CLCN3: variants seen among roughly 807,000 people sequenced by gnomAD.
CLCN3 encodes the protein Cl-/H+ antiporter 3.
A neutral mutation model predicts 83.4 loss-of-function variants in CLCN3; 16 were observed. The ratio of observed to expected loss-of-function variants is 0.19; its 90% confidence interval spans 0.13 to 0.29. The LOEUF is 0.29. CLCN3 is among the 10% of genes least tolerant of loss of function. The pLI, the probability that CLCN3 is intolerant of heterozygous loss-of-function variation, is 1.00. For missense variants in CLCN3, 544 were observed against 1,006.0 expected, an observed-to-expected ratio of 0.54 and a Z score of 6.21; for synonymous variants, 322 against 346.2, an observed-to-expected ratio of 0.93 and a Z score of 0.78.
chr4:169,714,111 A>G (rs1733333432), intron 12 of CLCN3, among the ~76,000 whole-genome samples: 1 of 152,076 alleles, frequency 6.6e-6, no homozygotes, highest in Non-Finnish European at 1.5e-5. Flanking sequence ...TTTCTTTAGG[A>G]CCCTTCATTT....
At chr4:169,656,173 T>G (rs1056727387) in intron 2 of CLCN3, among the ~76,000 whole-genome samples, 2 of 152,176 alleles carry the variant, frequency 1.3e-5, no homozygotes, top group African/African-American at 4.8e-5. Context: ...GCAGCCTGTA[T>G]TAGTCCCTTC....
At position 169,713,080 on chromosome 4, in the gene CLCN3, A is replaced by T. The variant is rs1379685332; in HGVS notation, c.2151A>T (p.Glu717Asp). The T allele has an allele frequency of 1.2e-6, 2 of 1,613,314 alleles. No individual in the cohort carries two copies. The change falls in exon 12 of 13, where the codon GAA becomes GAT. Residue 717 changes from glutamate to aspartate, a missense_variant and splice_region_variant. Physicochemically the swap from Glu to Asp is conservative, Grantham distance 45. This residue lies in a region of CLCN3 where 142 missense variants were observed against 225.0 expected (regional missense o/e 0.63). Transcript: ENST00000513761. Reference protein sequence around the residue: ...ALRRDLTIAIESARKKQEGIV... With the variant: ...ALRRDLTIAIDSARKKQEGIV... ...TTGGTCTCTTCTCTCTCTTTTCAGA[A>T]AGTGCCAGGAAAAAACAAGAAGGTA... is the stretch of plus-strand genomic sequence containing the variant.
chr4:169,655,887 G>A (rs1038037657), intron 2 of CLCN3, among the ~76,000 whole-genome samples: 3 of 152,032 alleles, frequency 2.0e-5, no homozygotes, highest in Admixed American at 2.0e-4. Flanking sequence ...TAGCTATATT[G>A]GAAACTAAAA....
chr4:169,674,165 T>G (rs564854284), intron 2 of CLCN3, among the ~76,000 whole-genome samples: 1 of 152,336 alleles, frequency 6.6e-6, no homozygotes, highest in East Asian at 1.9e-4. Context: ...ATCCTGTTGT[T>G]TTAATCTAGA....
intron 11 of CLCN3, among the ~76,000 whole-genome samples, chr4:169,708,787 G>A (rs1207473304): frequency 6.6e-6 from 1 of 152,016 alleles, no homozygotes; most frequent in East Asian, 1.9e-4. Context: ...AAGGGAATGA[G>A]GGTACTTTCT....
intron 2 of CLCN3, among the ~76,000 whole-genome samples, chr4:169,659,253 C>T (rs1730973184): frequency 6.6e-6 from 1 of 152,120 alleles, no homozygotes; most frequent in Non-Finnish European, 1.5e-5. Context: ...ATATTGAACT[C>T]TGATCTTCAA....
intron 11 of CLCN3, among the ~76,000 whole-genome samples, chr4:169,712,387 C>G (rs1457670005): frequency 6.7e-6 from 1 of 150,270 alleles, no homozygotes; most frequent in Non-Finnish European, 1.5e-5. Flanking sequence ...TTAGTTCTTT[C>G]AACGGTGGAG....
intron 2 of CLCN3, among the ~76,000 whole-genome samples, chr4:169,662,075 C>T (rs1280069560): frequency 6.6e-6 from 1 of 152,112 alleles, no homozygotes. Flanking sequence ...ACAGAACTTA[C>T]TTATGGACTG....
At chr4:169,647,001 C>T (rs1730591587) in intron 2 of CLCN3, among the ~76,000 whole-genome samples, 1 of 151,984 alleles carries the variant, frequency 6.6e-6, no homozygotes, top group Non-Finnish European at 1.5e-5. Flanking sequence ...GCCTGAGTGC[C>T]CAAAGTTTAA....
intron 2 of CLCN3, among the ~76,000 whole-genome samples, chr4:169,654,421 C>G (rs1332546643): frequency 6.6e-6 from 1 of 151,854 alleles, no homozygotes; most frequent in Non-Finnish European, 1.5e-5. Flanking sequence ...CTTCTACTTT[C>G]TTTGAGTTTA....
chr4:169,673,019 C>T (rs1731537954), intron 2 of CLCN3, among the ~76,000 whole-genome samples: 1 of 152,106 alleles, frequency 6.6e-6, no homozygotes, highest in Admixed American at 6.5e-5. Context: ...TGCAAAGAAA[C>T]AGTGCAATAG....
chr4:169,654,544 A>G (rs942123284), intron 2 of CLCN3, among the ~76,000 whole-genome samples: 1 of 151,960 alleles, frequency 6.6e-6, no homozygotes, highest in African/African-American at 2.4e-5. Context: ...TTTTATTTCT[A>G]TGCCATATGC....
Position 169,721,233 on chromosome 4 carries a change from TTAAG to T in CLCN3, c.*1240_*1243del, listed in dbSNP as rs1733629053. The T allele has an allele frequency of 6.6e-6, 1 of 152,250 alleles. No homozygotes were observed. The highest frequency in any genetic ancestry group is 6.5e-5 in the Admixed American group (1 of 15,290). 9.4% of individuals were successfully genotyped at this position (152,250 alleles called of 1,614,324 possible). A position where few individuals can be genotyped will look rare whatever the true frequency, so the allele number is the denominator to read the frequency against. ...AAATACAGATCAGTTAATATTGCAC[TTAAG>T]TAATTTTACCTTTTTAATGTGATTT... On this transcript the variant is annotated 3_prime_UTR_variant, in exon 13 of 13. Transcript: ENST00000513761.
At chr4:169,631,401 C>T (rs529158567) in intron 1 of CLCN3, among the ~76,000 whole-genome samples, 3 of 152,160 alleles carry the variant, frequency 2.0e-5, no homozygotes, top group Non-Finnish European at 4.4e-5. Flanking sequence ...ATTCTCCTGC[C>T]CCAGCCTCCG....
rs1286740194 is a variant in CLCN3 at position 169,719,892 on chromosome 4, G to C, written c.2367-15G>C. 6.2e-7 allele frequency: 1 copy of C among 1,600,082 alleles called. No homozygotes were observed. On this transcript the variant is annotated splice_polypyrimidine_tract_variant and intron_variant, in intron 12 of 12. Transcript: ENST00000513761. The stretch of plus-strand genomic sequence containing the variant: ...CCCTTTTATTTCATAGGAGTCTTCT[G>C]TTTATTCCTTTCAGGCGCCTCCTTG...
At chr4:169,701,394 G>A (rs897000354) in intron 9 of CLCN3, among the ~76,000 whole-genome samples, 17 of 152,138 alleles carry the variant, frequency 1.1e-4, no homozygotes, top group Non-Finnish European at 2.4e-4. Context: ...ACCCCTCAGA[G>A]TCATTCATGA....
intron 1 of CLCN3, among the ~76,000 whole-genome samples, chr4:169,622,832 A>G (rs1773141578): frequency 6.6e-6 from 1 of 152,232 alleles, no homozygotes; most frequent in Non-Finnish European, 1.5e-5. Context: ...AGAGAAAAAC[A>G]AGGAGGGACG....
At chr4:169,667,203 T>C (rs1021635194) in intron 2 of CLCN3, among the ~76,000 whole-genome samples, 2 of 152,182 alleles carry the variant, frequency 1.3e-5, no homozygotes, top group African/African-American at 2.4e-5. Context: ...TTTCATTCTT[T>C]TGCACGTGAA....
At chr4:169,706,464 T>C (rs775124120) in intron 10 of CLCN3, among the ~76,000 whole-genome samples, 13 of 152,250 alleles carry the variant, frequency 8.5e-5, no homozygotes, top group Non-Finnish European at 1.6e-4. Context: ...ATGAGTTTAA[T>C]TTGTAAATTG....
Sources: allele counts gnomAD v4.1 joint callset (sites outside exome capture counted in the v4.1 genomes callset), GRCh38; gene constraint gnomAD v4.1.1; regional missense constraint gnomAD v4.1.1; transcripts MANE v1.5; gene names NCBI Gene and HGNC (gene_info 2026-07-23, HGNC 2026-07-21).